Variants in FSTL4 observed in about 807,000 individuals in gnomAD.
The protein encoded by FSTL4 is follistatin-related protein 4.
Under a neutral mutation model 78.2 loss-of-function variants are expected in FSTL4, and 28 were observed. The observed-to-expected ratio is 0.36, with a 90% CI of 0.27 to 0.49. The LOEUF (loss-of-function observed/expected upper bound fraction) is 0.49, where lower values mean the gene tolerates loss of function less well. Among genes scored for constraint, FSTL4 ranks in the 20% least tolerant of loss-of-function variants. The pLI is 0.98. For synonymous variants in FSTL4, 422 were observed against 440.5 expected, an observed-to-expected ratio of 0.96 and a Z score of 0.53; for missense variants, 922 against 1,084.9, an observed-to-expected ratio of 0.85 and a Z score of 2.11.
At chr5:133,810,144 T>C in the FSTL4 span, among the ~76,000 whole-genome samples, 1 of 152,230 alleles carries the variant, frequency 6.6e-6, no homozygotes, top group Non-Finnish European at 1.5e-5. Context: ...AAGGACCTCC[T>C]CTGCATAAAA....
At chr5:133,444,929 C>A (rs1375073466) in intron 3 of FSTL4, among the ~76,000 whole-genome samples, 2 of 152,206 alleles carry the variant, frequency 1.3e-5, no homozygotes, top group African/African-American at 4.8e-5. Flanking sequence ...CCCTGTTTAA[C>A]CCCCACTGTC....
At chr5:133,354,191 C>T (rs571816128) in intron 4 of FSTL4, among the ~76,000 whole-genome samples, 35 of 151,990 alleles carry the variant, frequency 2.3e-4, no homozygotes, top group African/African-American at 8.5e-4. Flanking sequence ...AAAAAAAGCA[C>T]AGGGAGTTGA....
chr5:133,448,744 G>GT (rs970343193), intron 3 of FSTL4, among the ~76,000 whole-genome samples: 1 of 149,622 alleles, frequency 6.7e-6, no homozygotes, highest in Non-Finnish European at 1.5e-5. Flanking sequence ...GGGGGCGGGG[G>GT]GGGGGGGCGC....
intron 6 of FSTL4, among the ~76,000 whole-genome samples, chr5:133,290,774 G>A (rs931423031): frequency 2.6e-5 from 4 of 152,222 alleles, no homozygotes; most frequent in East Asian, 1.9e-4. Flanking sequence ...TGGACAGGCC[G>A]GCAGACAGGG....
chr5:133,760,091 G>A, the FSTL4 span, among the ~76,000 whole-genome samples: 2 of 152,222 alleles, frequency 1.3e-5, no homozygotes, highest in East Asian at 3.9e-4. Flanking sequence ...CCTGGAGATT[G>A]TACAGGGCTT....
rs61072686 is a variant in FSTL4, at chr5:133,236,379, C to T, written c.895-2842G>A. On this transcript the variant is annotated intron_variant, in intron 7 of 15. Transcript: ENST00000265342. The surrounding 1 kb of genome is among the most constrained non-coding windows in gnomAD (Gnocchi z 5.0). The stretch of plus-strand genomic sequence containing the variant: ...CGGTCTTCAAGAGGTTACCGTGTGC[C>T]GGGAACTTACACGTCACCTTGTATG... Among the ~76,000 whole-genome samples the T allele has an allele frequency of 0.088, 13,318 of 151,992 alleles. 682 individuals are homozygous for T. The highest frequency in any genetic ancestry group is 0.17 in the East Asian group (866 of 5,160).
At chr5:133,696,592 C>A in the FSTL4 span, among the ~76,000 whole-genome samples, 1 of 152,256 alleles carries the variant, frequency 6.6e-6, no homozygotes, top group Non-Finnish European at 1.5e-5. Flanking sequence ...GCATTGCACA[C>A]TTCTCTGACA....
chr5:133,664,264 C>T, the FSTL4 span, among the ~76,000 whole-genome samples: 75 of 151,994 alleles, frequency 4.9e-4, no homozygotes, highest in African/African-American at 1.5e-3. Flanking sequence ...ATGCTGTGGG[C>T]GGCAGACCCT....
intron 4 of FSTL4, among the ~76,000 whole-genome samples, chr5:133,399,586 T>G (rs990999512): frequency 5.9e-5 from 9 of 152,164 alleles, no homozygotes; most frequent in African/African-American, 2.2e-4. Context: ...TCCGCTCAGG[T>G]GTGTCAGCAT....
At chr5:133,501,319 G>C (rs1021272981) in intron 3 of FSTL4, among the ~76,000 whole-genome samples, 1 of 152,112 alleles carries the variant, frequency 6.6e-6, no homozygotes, top group East Asian at 1.9e-4. Flanking sequence ...CTGGGGATTG[G>C]AGCACAAAAT....
chr5:133,819,669 A>G, the FSTL4 span, among the ~76,000 whole-genome samples: 1 of 152,212 alleles, frequency 6.6e-6, no homozygotes, highest in African/African-American at 2.4e-5. Context: ...CTGCCCACGC[A>G]TTGTTCCAGA....
chr5:133,565,655 C>T (rs543716833), intron 3 of FSTL4, among the ~76,000 whole-genome samples: 1 of 152,296 alleles, frequency 6.6e-6, no homozygotes, highest in African/African-American at 2.4e-5. Flanking sequence ...CTTCACTCCT[C>T]CTCTGGACAC....
At chr5:133,481,579 G>A (rs543357522) in intron 3 of FSTL4, among the ~76,000 whole-genome samples, 3 of 150,160 alleles carry the variant, frequency 2.0e-5, no homozygotes, top group African/African-American at 7.4e-5. Context: ...GCTTTTTTAA[G>A]GGAACTCATC....
At chr5:133,772,519 C>T in the FSTL4 span, among the ~76,000 whole-genome samples, 22 of 152,204 alleles carry the variant, frequency 1.4e-4, no homozygotes, top group Admixed American at 2.6e-4. Flanking sequence ...ATACCACCAA[C>T]GGAGTAATTT....
At chr5:133,530,854 A>G (rs1442876521) in intron 3 of FSTL4, among the ~76,000 whole-genome samples, 1 of 152,178 alleles carries the variant, frequency 6.6e-6, no homozygotes, top group Non-Finnish European at 1.5e-5. Flanking sequence ...GAGCTGGGCC[A>G]GAGACTCAGA....
At chr5:133,373,921 A>G (rs1270281553) in intron 4 of FSTL4, among the ~76,000 whole-genome samples, 1 of 152,150 alleles carries the variant, frequency 6.6e-6, no homozygotes, top group Admixed American at 6.6e-5. Flanking sequence ...ACCCCTCAGG[A>G]AGCATGGGAA....
the FSTL4 span, among the ~76,000 whole-genome samples, chr5:133,625,303 T>C: frequency 6.6e-6 from 1 of 151,838 alleles, no homozygotes; most frequent in African/African-American, 2.4e-5. Flanking sequence ...CTAATAGTTA[T>C]AGGACTATTT....
At chr5:133,489,782 G>C (rs1758219873) in intron 3 of FSTL4, among the ~76,000 whole-genome samples, 1 of 151,910 alleles carries the variant, frequency 6.6e-6, no homozygotes, top group Admixed American at 6.5e-5. Context: ...GCCCTCCCTA[G>C]GTGGTGACAA....
intron 4 of FSTL4, among the ~76,000 whole-genome samples, chr5:133,327,456 C>T (rs1754240768): frequency 6.6e-6 from 1 of 152,142 alleles, no homozygotes. Flanking sequence ...ACTTGGCCAC[C>T]TTGCTTGAGA....
Sources: allele counts gnomAD v4.1 joint callset (sites outside exome capture counted in the v4.1 genomes callset), GRCh38; gene constraint gnomAD v4.1.1; non-coding constraint Gnocchi (gnomAD v3.1); transcripts MANE v1.5; gene names NCBI Gene and HGNC (gene_info 2026-07-23, HGNC 2026-07-21).